The following SNX7 variants were observed in gnomAD, a reference collection of about 807,000 sequenced individuals.
SNX7 encodes sorting nexin 7.
SNX7 carries 35 observed loss-of-function variants against 48.4 expected under a neutral mutation model. The observed-to-expected ratio is 0.72, with a 90% CI of 0.55 to 0.96. SNX7 has a LOEUF of 0.96. SNX7 is among the 40% of genes least tolerant of loss of function. SNX7 has a pLI of 0.00. For synonymous variants in SNX7, 190 were observed against 190.2 expected (o/e 1.00, Z 0.01); for missense variants, 553 against 548.9 (o/e 1.01, Z -0.07).
intron 7 of SNX7, among the ~76,000 whole-genome samples, chr1:98,736,041 T>G (rs1653765350): frequency 6.6e-6 from 1 of 152,168 alleles, no homozygotes; most frequent in African/African-American, 2.4e-5. Context: ...TCAAAGGCTT[T>G]AATGAGGGAG....
chr1:98,725,800 T>C (rs559648277), intron 7 of SNX7, among the ~76,000 whole-genome samples: 6 of 152,304 alleles, frequency 3.9e-5, no homozygotes, highest in African/African-American at 1.2e-4. Flanking sequence ...GCAACCTAAG[T>C]TTCTAAAATA....
chr1:98,704,246 G>T (rs1651905177), intron 7 of SNX7, among the ~76,000 whole-genome samples: 2 of 152,230 alleles, frequency 1.3e-5, no homozygotes, highest in South Asian at 4.1e-4. Flanking sequence ...CTGCTACATT[G>T]TAAGACTGGA....
intron 1 of SNX7, among the ~76,000 whole-genome samples, chr1:98,674,063 T>C (rs986800846): frequency 6.6e-5 from 10 of 152,190 alleles, no homozygotes; most frequent in African/African-American, 2.4e-4. Flanking sequence ...AATCATCTAA[T>C]TGCATTAAAG....
chr1:98,730,541 ACAAC>A (rs1003205866), intron 7 of SNX7, among the ~76,000 whole-genome samples: 3 of 152,118 alleles, frequency 2.0e-5, no homozygotes, highest in Non-Finnish European at 4.4e-5. Flanking sequence ...AAGCTGATAA[ACAAC>A]TTCAGCAAAG....
At chr1:98,739,212 T>G (rs1260790690) in intron 8 of SNX7, among the ~76,000 whole-genome samples, 2 of 152,106 alleles carry the variant, frequency 1.3e-5, no homozygotes, top group Non-Finnish European at 2.9e-5. Flanking sequence ...GAGAATCTAA[T>G]GCTGCCTCTG....
At chr1:98,682,962 A>G (rs1650581397) in intron 1 of SNX7, among the ~76,000 whole-genome samples, 2 of 151,902 alleles carry the variant, frequency 1.3e-5, no homozygotes, top group Admixed American at 1.3e-4. Context: ...TTGAGCTCTG[A>G]TTTTCAGACT....
chr1:98,665,094 A>G lies in SNX7; in HGVS notation c.180+3183A>G, dbSNP rs557835827. On this transcript the variant is annotated intron_variant, in intron 1 of 8. Transcript: ENST00000306121. ...CTGTATAAAAGAAACAGCTGTGGAT[A>G]CAGTGTATGTGATTAGGCCACAATG... 9.0e-4 allele frequency among the ~76,000 whole-genome samples: 137 copies of G among 152,336 alleles called. 1 individual carries two copies. Among genetic ancestry groups the G allele is most frequent in the African/African-American group, 2.9e-3 (122 of 41,584 alleles).
chr1:98,739,174 C>A (rs1653944194), intron 8 of SNX7, among the ~76,000 whole-genome samples: 1 of 152,012 alleles, frequency 6.6e-6, no homozygotes, highest in African/African-American at 2.4e-5. Context: ...CTTACATGCG[C>A]AGTTCACAAT....
At chr1:98,751,849 T>A (rs1355650689) in intron 8 of SNX7, among the ~76,000 whole-genome samples, 2 of 152,120 alleles carry the variant, frequency 1.3e-5, no homozygotes, top group African/African-American at 2.4e-5. Context: ...AATGATGACA[T>A]CTTATTCAAA....
rs956198287 is a variant in SNX7, at chr1:98,682,182, C to T, written c.181-2703C>T. Among the ~76,000 whole-genome samples the T allele has an allele frequency of 3.3e-5, 5 of 150,856 alleles. No homozygotes were observed. The South Asian group carries it at 6.3e-4, about 19-fold the overall frequency. ...TTTCCTCCTCTGCTTATTCCCCTTTCGTATTCTGTTCTCCACCATCCCCTT... is the reference window on the plus strand; with the variant it reads ...TTTCCTCCTCTGCTTATTCCCCTTTTGTATTCTGTTCTCCACCATCCCCTT... On this transcript the variant is annotated intron_variant, in intron 1 of 8. Coordinates refer to ENST00000306121, the MANE Select transcript of SNX7 (RefSeq NM_015976.5).
chr1:98,731,325 GC>G (rs1653498550), intron 7 of SNX7, among the ~76,000 whole-genome samples: 2 of 152,028 alleles, frequency 1.3e-5, no homozygotes, highest in African/African-American at 4.8e-5. Flanking sequence ...CATGTGACTG[GC>G]CCATAGTAGA....
intron 1 of SNX7, among the ~76,000 whole-genome samples, chr1:98,683,231 T>A (rs1650600471): frequency 6.6e-6 from 1 of 152,112 alleles, no homozygotes; most frequent in Non-Finnish European, 1.5e-5. Flanking sequence ...CGTGTTTGGA[T>A]GTTTGGTAGA....
chr1:98,699,945 C>T (rs1297914138), intron 6 of SNX7, among the ~76,000 whole-genome samples: 1 of 152,176 alleles, frequency 6.6e-6, no homozygotes, highest in Non-Finnish European at 1.5e-5. Flanking sequence ...CTATCCATTT[C>T]CTTGGCTACA....
intron 1 of SNX7, among the ~76,000 whole-genome samples, chr1:98,683,300 A>T (rs1650603567): frequency 6.6e-6 from 1 of 152,110 alleles, no homozygotes; most frequent in African/African-American, 2.4e-5. Flanking sequence ...AGGGGCTTTG[A>T]TGTAGGGTGG....
At chr1:98,712,750 T>G (rs532299552) in intron 7 of SNX7, among the ~76,000 whole-genome samples, 51 of 152,254 alleles carry the variant, frequency 3.3e-4, no homozygotes, top group African/African-American at 1.2e-3. Flanking sequence ...AGGCATTGAC[T>G]TTTCCTCTCT....
At chr1:98,677,939 A>G (rs372973101) in intron 1 of SNX7, among the ~76,000 whole-genome samples, 19 of 150,956 alleles carry the variant, frequency 1.3e-4, no homozygotes, top group African/African-American at 4.6e-4. Context: ...TTGGTATTTT[A>G]TATCTGTATC....
chr1:98,742,403 C>T (rs938471199), intron 8 of SNX7, among the ~76,000 whole-genome samples: 1 of 152,068 alleles, frequency 6.6e-6, no homozygotes, highest in African/African-American at 2.4e-5. Context: ...ATCTGTTACT[C>T]TTGGAGATAG....
At chr1:98,736,767 T>C (rs1409669399) in intron 7 of SNX7, among the ~76,000 whole-genome samples, 2 of 152,126 alleles carry the variant, frequency 1.3e-5, no homozygotes, top group East Asian at 3.9e-4. Context: ...AAGTGAAATT[T>C]CATATTTAAA....
intron 1 of SNX7, among the ~76,000 whole-genome samples, chr1:98,683,851 T>C (rs1650637044): frequency 5.3e-5 from 8 of 152,146 alleles, no homozygotes. Flanking sequence ...TTTCACTTGA[T>C]ATCTGTATTT....
Sources: gnomAD v4.1 joint callset for allele counts (sites outside exome capture counted in the v4.1 genomes callset) on GRCh38, gnomAD v4.1.1 for gene constraint, MANE v1.5 for transcripts, NCBI Gene and HGNC (gene_info 2026-07-23, HGNC 2026-07-21) for gene names.